Variants in PABPC4L observed in about 807,000 individuals in gnomAD.
PABPC4L encodes polyadenylate-binding protein 4-like.
For synonymous variants in PABPC4L, 169 were observed against 164.1 expected, an observed-to-expected ratio of 1.03 and a Z score of -0.23; for missense variants, 452 against 451.4, an observed-to-expected ratio of 1.00 and a Z score of -0.01.
At chr4:134,029,380 A>G in the PABPC4L span, among the ~76,000 whole-genome samples, 1 of 152,088 alleles carries the variant, frequency 6.6e-6, no homozygotes, top group Non-Finnish European at 1.5e-5. Flanking sequence ...CACACCAACT[A>G]CTGGAAACCC....
the PABPC4L span, among the ~76,000 whole-genome samples, chr4:133,950,078 G>C: frequency 2.0e-5 from 3 of 152,120 alleles, no homozygotes; most frequent in African/African-American, 7.2e-5. Context: ...AGAGGAAGGG[G>C]GATGCCAAGG....
the PABPC4L span, among the ~76,000 whole-genome samples, chr4:134,118,345 C>T: frequency 2.0e-5 from 3 of 151,784 alleles, no homozygotes; most frequent in African/African-American, 7.3e-5. Context: ...TACAGCTTTT[C>T]AGGTCTATGT....
the PABPC4L span, among the ~76,000 whole-genome samples, chr4:134,098,230 C>T: frequency 6.6e-6 from 1 of 151,682 alleles, no homozygotes; most frequent in South Asian, 2.1e-4. Context: ...ATAGCGCTAG[C>T]ACTCCTTTAT....
At chr4:134,130,778 A>C in the PABPC4L span, among the ~76,000 whole-genome samples, 1 of 152,100 alleles carries the variant, frequency 6.6e-6, no homozygotes, top group Non-Finnish European at 1.5e-5. Flanking sequence ...ACCAAATACT[A>C]GCTAACTGAA....
At chr4:134,004,461 T>C in the PABPC4L span, among the ~76,000 whole-genome samples, 1 of 151,690 alleles carries the variant, frequency 6.6e-6, no homozygotes, top group Non-Finnish European at 1.5e-5. Flanking sequence ...ACATTCATAA[T>C]AATAGCTGAC....
the PABPC4L span, among the ~76,000 whole-genome samples, chr4:134,167,290 C>A: frequency 6.6e-6 from 1 of 151,948 alleles, no homozygotes; most frequent in East Asian, 1.9e-4. Context: ...ACTGGGGGAG[C>A]CTGTGTGCAT....
At chr4:133,962,311 G>A in the PABPC4L span, among the ~76,000 whole-genome samples, 1 of 152,194 alleles carries the variant, frequency 6.6e-6, no homozygotes, top group Non-Finnish European at 1.5e-5. Flanking sequence ...AAAGAATTCA[G>A]GAGCTTAGTT....
the PABPC4L span, among the ~76,000 whole-genome samples, chr4:134,162,564 C>T: frequency 6.6e-6 from 1 of 152,022 alleles, no homozygotes; most frequent in Admixed American, 6.6e-5. Context: ...AGAATGTACA[C>T]TCTTCTCATC....
At chr4:134,086,002 A>G in the PABPC4L span, among the ~76,000 whole-genome samples, 1 of 152,154 alleles carries the variant, frequency 6.6e-6, no homozygotes, top group Non-Finnish European at 1.5e-5. Context: ...GATTGTAATA[A>G]TAGTAATAAT....
the PABPC4L span, among the ~76,000 whole-genome samples, chr4:133,958,426 T>C: frequency 7.2e-5 from 11 of 152,196 alleles, no homozygotes; most frequent in African/African-American, 2.4e-4. Flanking sequence ...TTCCTGTCTT[T>C]TTCTGACCCC....
At chr4:133,967,265 G>A in the PABPC4L span, among the ~76,000 whole-genome samples, 3 of 151,920 alleles carry the variant, frequency 2.0e-5, no homozygotes, top group South Asian at 4.1e-4. Context: ...AAGGCCAGAC[G>A]CTCAAGACCA....
Position 134,201,015 on chromosome 4 carries a change from T to C in PABPC4L, c.5A>G (p.Asn2Ser). The change falls in exon 2 of 2, where the codon AAT becomes AGT. Residue 2 changes from asparagine (N) to serine (S), a missense_variant. Asn to Ser is a conservative substitution (Grantham distance 46). Transcript: ENST00000421491. MNVAAKYRMASL... is the reference protein window; with the variant it reads MSVAAKYRMASL... ...GGCCATGCGGTACTTGGCTGCTACA[T>C]TCATCTCCTTGTCCTTGCCACTGTG... 6.4e-7 allele frequency: 1 copy of C among 1,551,824 alleles called. No homozygotes were observed.
At chr4:134,107,329 T>C in the PABPC4L span, among the ~76,000 whole-genome samples, 3 of 151,542 alleles carry the variant, frequency 2.0e-5, no homozygotes, top group Non-Finnish European at 4.4e-5. Flanking sequence ...TAATATTTTC[T>C]TCACTTATAT....
At chr4:133,981,551 G>GA in the PABPC4L span, among the ~76,000 whole-genome samples, 1 of 152,002 alleles carries the variant, frequency 6.6e-6, no homozygotes, top group African/African-American at 2.4e-5. Flanking sequence ...TTAACAGGGG[G>GA]AAAAATTGTC....
the PABPC4L span, among the ~76,000 whole-genome samples, chr4:134,049,837 GT>G: frequency 1.3e-4 from 20 of 152,260 alleles, no homozygotes; most frequent in East Asian, 3.5e-3. Context: ...ACTAAAAATG[GT>G]AAATGAGACT....
At chr4:134,097,334 T>G in the PABPC4L span, among the ~76,000 whole-genome samples, 2 of 151,860 alleles carry the variant, frequency 1.3e-5, no homozygotes, top group Non-Finnish European at 2.9e-5. Context: ...ACATCAGACT[T>G]GAGAAAGAAA....
chr4:134,112,763 A>G, the PABPC4L span, among the ~76,000 whole-genome samples: 2 of 151,930 alleles, frequency 1.3e-5, no homozygotes, highest in African/African-American at 4.8e-5. Flanking sequence ...TTACTATTCT[A>G]TGCTTTCTAG....
chr4:133,981,929 A>G, the PABPC4L span, among the ~76,000 whole-genome samples: 2 of 151,982 alleles, frequency 1.3e-5, no homozygotes, highest in Admixed American at 1.3e-4. Context: ...AAAAATAATT[A>G]TAATTCAAAT....
the PABPC4L span, among the ~76,000 whole-genome samples, chr4:134,061,980 A>C: frequency 1.3e-5 from 2 of 152,050 alleles, no homozygotes; most frequent in South Asian, 2.1e-4. Context: ...CATCAAGGAA[A>C]ATGCAATAAA....
Sources: allele counts gnomAD v4.1 joint callset (sites outside exome capture counted in the v4.1 genomes callset), GRCh38; gene constraint gnomAD v4.1.1; transcripts MANE v1.5; gene names NCBI Gene and HGNC (gene_info 2026-07-23, HGNC 2026-07-21).